The following PTPRT variants were observed in gnomAD, a reference collection of about 807,000 sequenced individuals.
PTPRT encodes the protein protein tyrosine phosphatase receptor type T, also known as receptor-type tyrosine-protein phosphatase T.
A neutral mutation model predicts 176.8 loss-of-function variants in PTPRT; 56 were observed. The ratio of observed to expected loss-of-function variants is 0.32; its 90% confidence interval spans 0.26 to 0.40. PTPRT has a LOEUF of 0.40. PTPRT is among the 10% of genes least tolerant of loss of function. The pLI, the probability that PTPRT is intolerant of heterozygous loss-of-function variation, is 1.00. For missense variants in PTPRT, 1,540 were observed against 1,908.2 expected (o/e 0.81, Z 3.60); for synonymous variants, 783 against 739.0 (o/e 1.06, Z -0.96).
Position 43,166,098 on chromosome 20 carries a change from G to A in PTPRT, c.88+23548C>T, listed in dbSNP as rs1024122839. On this transcript the variant is annotated intron_variant, in intron 1 of 30. Transcript: ENST00000373187. ...CCAGCACTTTGGGAGGCCAAGGCAG[G>A]CAGATCACCTGAGGTCAGGAGTTCG... Among the ~76,000 whole-genome samples the A allele has an allele frequency of 3.3e-5, 5 of 152,342 alleles. No homozygotes were observed. The South Asian group carries it at 1.0e-3, about 32-fold the overall frequency.
At chr20:42,672,054 A>T (rs145370607) in intron 7 of PTPRT, among the ~76,000 whole-genome samples, 1 of 152,352 alleles carries the variant, frequency 6.6e-6, no homozygotes, top group Non-Finnish European at 1.5e-5. Flanking sequence ...TTTTCGGCTC[A>T]GAAAATTGTT....
chr20:42,304,118 C>T (rs1456869190), intron 12 of PTPRT, among the ~76,000 whole-genome samples: 3 of 152,138 alleles, frequency 2.0e-5, no homozygotes, highest in African/African-American at 7.2e-5. Flanking sequence ...CTCCACTTGC[C>T]TCTCCGTAAG....
chr20:42,227,614 T>G (rs1479760726), intron 15 of PTPRT, among the ~76,000 whole-genome samples: 5 of 143,046 alleles, frequency 3.5e-5, no homozygotes, highest in Admixed American at 7.0e-5. Context: ...TTTTTTTTTT[T>G]TTTTTTTTTT....
rs140122680 is a variant in PTPRT, at chr20:42,099,979, T to A, written c.3715-1427A>T. Among the ~76,000 whole-genome samples, 989 of 152,322 alleles carry A rather than the reference T, an allele frequency of 6.5e-3. 9 individuals are homozygous for A. Among genetic ancestry groups the A allele is most frequent in the African/African-American group, 0.023 (937 of 41,590 alleles). ...TCCAGACATGGAAAAACATTGAGGC[T>A]TTGAGAGTTAACAGACTTGGGGCTC... is the stretch of plus-strand genomic sequence containing the variant. On this transcript the variant is annotated intron_variant, in intron 26 of 30. Coordinates refer to ENST00000373187, the MANE Select transcript of PTPRT (RefSeq NM_007050.6).
Position 42,433,641 on chromosome 20 carries a change from A to G in PTPRT, c.1560+14579T>C, listed in dbSNP as rs139550141. ...TAGGAAATAAGCAAACTGAAATTCA[A>G]GTTTTAAAACAAGGAGGAAAACAGG... On this transcript the variant is annotated intron_variant, in intron 9 of 30. Transcript: ENST00000373187. Among the ~76,000 whole-genome samples the G allele has an allele frequency of 9.8e-3, 1,495 of 152,288 alleles. 22 individuals are homozygous for G. The highest frequency in any genetic ancestry group is 0.013 in the Non-Finnish European group (865 of 68,026).
intron 2 of PTPRT, among the ~76,000 whole-genome samples, chr20:42,828,526 G>A (rs889074216): frequency 3.9e-5 from 6 of 152,154 alleles, no homozygotes; most frequent in African/African-American, 7.2e-5. Context: ...TCCAGGGCAC[G>A]TGAAAGACCT....
chr20:42,526,851 C>T (rs571112029), intron 7 of PTPRT, among the ~76,000 whole-genome samples: 30 of 151,478 alleles, frequency 2.0e-4, no homozygotes, highest in Non-Finnish European at 4.4e-4. Context: ...TGGTACATAG[C>T]ATTGGTTGTG....
At chr20:42,312,888 C>T (rs1349244745) in intron 12 of PTPRT, among the ~76,000 whole-genome samples, 1 of 144,080 alleles carries the variant, frequency 6.9e-6, no homozygotes, top group Admixed American at 7.2e-5. Context: ...GGGGAGCAAA[C>T]TGTCGGAGGC....
At chr20:42,531,477 G>A (rs772861404) in intron 7 of PTPRT, among the ~76,000 whole-genome samples, 2 of 152,156 alleles carry the variant, frequency 1.3e-5, no homozygotes, top group Non-Finnish European at 2.9e-5. Flanking sequence ...TGCTGGTTAG[G>A]CGAGGCCTTA....
At chr20:42,126,775 C>A (rs1304295617) in intron 19 of PTPRT, among the ~76,000 whole-genome samples, 1 of 152,200 alleles carries the variant, frequency 6.6e-6, no homozygotes, top group Non-Finnish European at 1.5e-5. Context: ...GGAGGGTCTG[C>A]TCTGTGTTTG....
At chr20:42,320,461 T>C (rs1164562285) in intron 11 of PTPRT, among the ~76,000 whole-genome samples, 4 of 152,124 alleles carry the variant, frequency 2.6e-5, no homozygotes, top group Non-Finnish European at 5.9e-5. Flanking sequence ...AAAGTTGAAG[T>C]CAGGTGACAG....
At chr20:42,533,923 C>G (rs2072429141) in intron 7 of PTPRT, among the ~76,000 whole-genome samples, 1 of 152,208 alleles carries the variant, frequency 6.6e-6, no homozygotes, top group African/African-American at 2.4e-5. Context: ...CAGGCTTCCT[C>G]TCCTGCCATT....
chr20:42,475,948 C>T (rs915741568), intron 7 of PTPRT, among the ~76,000 whole-genome samples: 3 of 152,122 alleles, frequency 2.0e-5, no homozygotes, highest in Admixed American at 6.5e-5. Context: ...ACTGTCACGG[C>T]GGGCCCCGGG....
At chr20:42,979,953 C>T (rs185534304) in intron 1 of PTPRT, among the ~76,000 whole-genome samples, 12 of 108,106 alleles carry the variant, frequency 1.1e-4, no homozygotes, top group Admixed American at 8.8e-4. Context: ...TTCCAGAAGC[C>T]GGAGAGCATG....
Position 42,419,763 on chromosome 20 carries a change from A to G in PTPRT, c.1560+28457T>C, listed in dbSNP as rs6102824. Among the ~76,000 whole-genome samples the G allele has an allele frequency of 4.5e-3, 687 of 152,218 alleles. 6 individuals are homozygous for G. Among genetic ancestry groups the G allele is most frequent in the African/African-American group, 0.016 (645 of 41,536 alleles). ...CCTTCTGTACCTGTGAAGTGACCTTATTTGAAAATAAGGTTTTTGCATCTA... is the reference window on the plus strand; with the variant it reads ...CCTTCTGTACCTGTGAAGTGACCTTGTTTGAAAATAAGGTTTTTGCATCTA... On this transcript the variant is annotated intron_variant, in intron 9 of 30. Coordinates refer to ENST00000373187, the MANE Select transcript of PTPRT (RefSeq NM_007050.6).
At chr20:42,743,170 A>G (rs2076637474) in intron 6 of PTPRT, among the ~76,000 whole-genome samples, 2 of 152,232 alleles carry the variant, frequency 1.3e-5, no homozygotes, top group South Asian at 4.1e-4. Context: ...CATTCCATCA[A>G]AAAGGCACAG....
intron 7 of PTPRT, among the ~76,000 whole-genome samples, chr20:42,533,447 A>G (rs1467322909): frequency 1.4e-4 from 21 of 152,184 alleles, no homozygotes; most frequent in Admixed American, 1.2e-3. Flanking sequence ...CTTTCAGTCA[A>G]TCAATTACCT....
chr20:42,569,126 T>C (rs1214825527), intron 7 of PTPRT, among the ~76,000 whole-genome samples: 1 of 119,766 alleles, frequency 8.3e-6, no homozygotes, highest in African/African-American at 3.1e-5. Flanking sequence ...TCAACTTTCA[T>C]GCCATGCCAG....
chr20:42,052,506 C>T, the PTPRT span, among the ~76,000 whole-genome samples: 12 of 152,186 alleles, frequency 7.9e-5, no homozygotes, highest in African/African-American at 2.7e-4. Flanking sequence ...TTCCCTGTCT[C>T]CCCTCCCATA....
Sources: allele counts gnomAD v4.1 joint callset (sites outside exome capture counted in the v4.1 genomes callset), GRCh38; gene constraint gnomAD v4.1.1; transcripts MANE v1.5; gene names NCBI Gene and HGNC (gene_info 2026-07-23, HGNC 2026-07-21).